Variants in SMG1 observed in about 807,000 individuals in gnomAD.
SMG1 encodes SMG1 nonsense mediated mRNA decay associated PI3K related kinase, also known as serine/threonine-protein kinase SMG1.
A neutral mutation model predicts 419.9 loss-of-function variants in SMG1; 22 were observed. The observed-to-expected ratio is 0.05, with a 90% confidence interval of 0.04 to 0.07. SMG1 has a LOEUF of 0.07. Ranked by LOEUF, SMG1 falls within the 10% of genes least tolerant of loss-of-function variation. The pLI is 1.00. For synonymous variants in SMG1, 1,538 were observed against 1,553.5 expected, an observed-to-expected ratio of 0.99 and a Z score of 0.23; for missense variants, 3,185 against 4,342.0, an observed-to-expected ratio of 0.73 and a Z score of 7.49.
chr16:18,812,643 C>CATAT (rs1555483957), intron 60 of SMG1, among the ~76,000 whole-genome samples: 1 of 133,628 alleles, frequency 7.5e-6, no homozygotes, highest in Non-Finnish European at 1.6e-5. Context: ...TATATATACA[C>CATAT]ATATACACAC....
rs1273805955 is a variant in SMG1, at chr16:18,872,518, T to C, written c.1997A>G (p.Tyr666Cys). Residue 666 changes from tyrosine (Y) to cysteine (C), a missense_variant, in exon 14 of 63, where the codon TAC (tyrosine) becomes TGC (cysteine). Around this residue, in one of 27 missense-constraint regions of SMG1, gnomAD observed 297 missense variants for 491.0 expected, o/e 0.60. Transcript: ENST00000446231. ...CCTGGTACAATGAGAATACAATGTG[T>C]AGAGCACAGCATACTGAATGGCAGG... ...HFPAIQYAVL[Y>C]TLYSHCTRHD... 1.9e-6 allele frequency: 3 copies of C among 1,550,120 alleles called. No individual in the cohort carries two copies. Among genetic ancestry groups the C allele is most frequent in the South Asian group, 1.2e-5 (1 of 83,882 alleles).
chr16:18,844,927 G>A (rs1014569269), intron 39 of SMG1, among the ~76,000 whole-genome samples: 1 of 152,100 alleles, frequency 6.6e-6, no homozygotes, highest in Non-Finnish European at 1.5e-5. Flanking sequence ...AAAAGATAAG[G>A]ATTCTCAAAT....
At chr16:18,852,725 G>T (rs1249683560) in intron 31 of SMG1, among the ~76,000 whole-genome samples, 2 of 152,194 alleles carry the variant, frequency 1.3e-5, no homozygotes, top group African/African-American at 4.8e-5. Context: ...TCATGACACT[G>T]AACATTGTAA....
intron 55 of SMG1, among the ~76,000 whole-genome samples, chr16:18,827,599 T>C (rs2032814574): frequency 6.9e-6 from 1 of 144,414 alleles, no homozygotes; most frequent in South Asian, 2.1e-4. Flanking sequence ...TTAGATATAT[T>C]TGGTATAAAT....
At chr16:18,837,537 C>A in intron 45 of SMG1, 94 bp from the exon 46 acceptor site, 2 of 1,098,828 alleles carry the variant, frequency 1.8e-6, no homozygotes, top group Admixed American at 2.7e-5. Context: ...CTACTTAAAT[C>A]TCTACAAAAC....
chr16:18,888,488 T>C (rs924777840), intron 6 of SMG1, among the ~76,000 whole-genome samples: 1 of 151,976 alleles, frequency 6.6e-6, no homozygotes, highest in Non-Finnish European at 1.5e-5. Context: ...CTTTTTTTTT[T>C]TTTTTGAGAC....
At chr16:18,819,435 T>C in intron 56 of SMG1, 67 bp downstream of exon 56, 1 of 1,543,046 alleles carries the variant, frequency 6.5e-7, no homozygotes, top group South Asian at 1.2e-5. Flanking sequence ...ACCCCACATA[T>C]AACTTCCAGC....
At chr16:18,817,270 T>C (rs1024918505) in intron 57 of SMG1, 21 bp downstream of exon 57, 92 of 1,587,596 alleles carry the variant, frequency 5.8e-5, no homozygotes, top group Non-Finnish European at 7.4e-5. Flanking sequence ...TTTAATCAAG[T>C]TTCTTTCCAC....
intron 1 of SMG1, among the ~76,000 whole-genome samples, chr16:18,903,520 T>C (rs1171025657): frequency 2.0e-5 from 3 of 152,212 alleles, no homozygotes; most frequent in Non-Finnish European, 4.4e-5. Context: ...GATTTCTGCT[T>C]CATGAGAAGT....
rs58373081 is a variant in SMG1, at chr16:18,849,069, CAAAAAAAAAAAAAAAAAAAA to C, written c.5623+128_5623+147del. On this transcript the variant is annotated intron_variant, in intron 36 of 62. Transcript: ENST00000446231. The stretch of plus-strand genomic sequence containing the variant: ...TGGGTGACAGAGTGAGACTCCATCT[CAAAAAAAAAAAAAAAAAAAA>C]AAAAAAAAAAAAAAAAACCCTACAA... 2.7e-3 allele frequency: 309 copies of C among 113,820 alleles called. 1 individual carries two copies. Among genetic ancestry groups the C allele is most frequent in the East Asian group, 5.0e-3 (24 of 4,806 alleles). 7.1% of individuals were successfully genotyped at this position (113,820 alleles called of 1,614,324 possible). A position where few individuals can be genotyped will look rare whatever the true frequency, so the allele number is the denominator to read the frequency against.
In SMG1 at chr16:18,829,933, T is replaced by C. The variant is rs774816665; in HGVS notation, c.9126A>G (p.Thr3042=). ...FFRLCGTFSK[T]LSGSSSLEDQ... The stretch of plus-strand genomic sequence containing the variant: ...TTACAGGTAGAATATTACCTGACAA[T>C]GTTTTAGAAAAGGTACCACAGAGCC... Residue 3042 remains threonine (T), a synonymous_variant, in exon 53 of 63, where the codon ACA becomes ACG. Coordinates refer to ENST00000446231, the MANE Select transcript of SMG1 (RefSeq NM_015092.5). 2 of 1,548,724 alleles carry C rather than the reference T, an allele frequency of 1.3e-6. No individual in the cohort carries two copies. Among genetic ancestry groups the C allele is most frequent in the South Asian group, 2.5e-5 (2 of 80,302 alleles).
intron 1 of SMG1, among the ~76,000 whole-genome samples, chr16:18,902,796 C>T (rs976104882): frequency 2.0e-5 from 3 of 151,966 alleles, no homozygotes; most frequent in African/African-American, 7.3e-5. Flanking sequence ...CTCCCTCTTA[C>T]TCTGCACTCA....
chr16:18,807,348 A>G lies in SMG1; in HGVS notation c.*2221T>C, dbSNP rs891724122. 6.6e-6 allele frequency: 1 copy of G among 152,232 alleles called. No individual in the cohort carries two copies. The highest frequency in any genetic ancestry group is 2.4e-5 in the African/African-American group (1 of 41,474). The allele number at this position is 152,232 out of a possible 1,614,324, so 9.4% of individuals were successfully genotyped here. A position where few individuals can be genotyped will look rare whatever the true frequency, so the allele number is the denominator to read the frequency against. Reference sequence around the variant, plus strand: ...AGAGCAGAGGTAATGTGATGAATGTAATTTGCTCCCAGAGCCTCTAGAAAA... The same window carrying G: ...AGAGCAGAGGTAATGTGATGAATGTGATTTGCTCCCAGAGCCTCTAGAAAA... On this transcript the variant is annotated 3_prime_UTR_variant, in exon 63 of 63. Coordinates refer to ENST00000446231, the MANE Select transcript of SMG1 (RefSeq NM_015092.5).
At chr16:18,910,417 G>A (rs1018115866) in intron 1 of SMG1, among the ~76,000 whole-genome samples, 1 of 151,378 alleles carries the variant, frequency 6.6e-6, no homozygotes, top group African/African-American at 2.4e-5. Context: ...TTTTAGTAGA[G>A]ACGGAGTTTC....
At chr16:18,924,112 C>G (rs1596675254) in intron 1 of SMG1, among the ~76,000 whole-genome samples, 1 of 152,274 alleles carries the variant, frequency 6.6e-6, no homozygotes, top group South Asian at 2.1e-4. Context: ...AACTTTCTTA[C>G]AAAAAGCACA....
intron 3 of SMG1, among the ~76,000 whole-genome samples, chr16:18,894,760 G>T (rs189978637): frequency 7.4e-5 from 11 of 149,176 alleles, no homozygotes; most frequent in Non-Finnish European, 1.3e-4. Flanking sequence ...CAGCTTTACC[G>T]ATAAATTTCT....
rs978064559 is a variant in SMG1 at position 18,827,544 on chromosome 16, AT to A, written c.9741+486del. On this transcript the variant is annotated intron_variant, in intron 55 of 62. Transcript: ENST00000446231. ...CTTTGGTATAAATATACCAAAATAT[AT>A]TTTTTTATATATCTTTGGTATAAAT... 3.4e-3 allele frequency among the ~76,000 whole-genome samples: 494 copies of A among 145,140 alleles called. 3 individuals carry two copies. Among genetic ancestry groups the A allele is most frequent in the East Asian group, 7.1e-3 (36 of 5,074 alleles).
At chr16:18,910,969 T>C (rs912666800) in intron 1 of SMG1, among the ~76,000 whole-genome samples, 5 of 152,220 alleles carry the variant, frequency 3.3e-5, no homozygotes, top group African/African-American at 1.2e-4. Flanking sequence ...AAGCAAGCTA[T>C]AAGCTACCTT....
rs537004808 is a variant in SMG1 at position 18,858,095 on chromosome 16, T to C, written c.4234+75A>G. On this transcript the variant is annotated intron_variant, in intron 29 of 62. Coordinates refer to ENST00000446231, the MANE Select transcript of SMG1 (RefSeq NM_015092.5). ...CAAACCATACACTTAGAATGTGTAA[T>C]ATAAACCTCAATAAAGCAAAATTTA... 7.8e-6 allele frequency: 10 copies of C among 1,281,852 alleles called. No individual in the cohort carries two copies. In the East Asian group the frequency reaches 2.3e-4, roughly 30 times the overall value. 79.4% of individuals were successfully genotyped at this position (1,281,852 alleles called of 1,614,324 possible). A position where few individuals can be genotyped will look rare whatever the true frequency, so the allele number is the denominator to read the frequency against.
Sources: allele counts gnomAD v4.1 joint callset (sites outside exome capture counted in the v4.1 genomes callset), GRCh38; gene constraint gnomAD v4.1.1; regional missense constraint gnomAD v4.1.1; transcripts MANE v1.5; gene names NCBI Gene and HGNC (gene_info 2026-07-23, HGNC 2026-07-21).